The following CCDC7 variants were observed in gnomAD, a reference collection of about 807,000 sequenced individuals.
CCDC7 encodes coiled-coil domain containing 7.
In CCDC7, 183 loss-of-function variants were observed where a neutral mutation model predicts 196.9. The ratio of observed to expected loss-of-function variants is 0.93; its 90% CI spans 0.82 to 1.05. CCDC7 has a LOEUF of 1.05. CCDC7 is among the 50% of genes least tolerant of loss of function. The pLI is 0.00. For synonymous variants in CCDC7, 525 were observed against 484.6 expected (o/e 1.08, Z -1.10); for missense variants, 1,540 against 1,482.2 (o/e 1.04, Z -0.64).
At chr10:32,535,948 A>C (rs1033756350) in intron 11 of CCDC7, among the ~76,000 whole-genome samples, 12 of 152,156 alleles carry the variant, frequency 7.9e-5, no homozygotes, top group African/African-American at 1.2e-4. Flanking sequence ...GATAGTAAGC[A>C]ATGTTATATA....
At chr10:32,865,320 A>G (rs1473936391) in intron 41 of CCDC7, among the ~76,000 whole-genome samples, 2 of 151,780 alleles carry the variant, frequency 1.3e-5, no homozygotes, top group East Asian at 3.9e-4. Flanking sequence ...GGACACACAA[A>G]TGATGAAAAT....
chr10:32,590,468 T>C (rs2059680248), intron 18 of CCDC7, among the ~76,000 whole-genome samples: 1 of 152,172 alleles, frequency 6.6e-6, no homozygotes, highest in South Asian at 2.1e-4. Context: ...TGTAGTTCTA[T>C]TTATTTTTAA....
chr10:32,819,356 A>G (rs1195350212), intron 31 of CCDC7, among the ~76,000 whole-genome samples: 14 of 152,198 alleles, frequency 9.2e-5, no homozygotes, highest in African/African-American at 3.4e-4. Context: ...CCAGGACCAG[A>G]TGGATTCATA....
chr10:32,739,866 C>A (rs542524853), intron 28 of CCDC7, among the ~76,000 whole-genome samples: 5 of 151,738 alleles, frequency 3.3e-5, no homozygotes, highest in Non-Finnish European at 1.5e-5. Context: ...TTGCCCCCCC[C>A]CACCAAACTG....
chr10:32,483,323 G>A (rs1006238036), intron 8 of CCDC7, among the ~76,000 whole-genome samples: 13 of 152,112 alleles, frequency 8.5e-5, no homozygotes, highest in African/African-American at 2.9e-4. Context: ...GTTCATACCT[G>A]TTGCACACTT....
At chr10:32,740,443 A>T (rs2085636083) in intron 28 of CCDC7, among the ~76,000 whole-genome samples, 1 of 152,182 alleles carries the variant, frequency 6.6e-6, no homozygotes, top group Non-Finnish European at 1.5e-5. Flanking sequence ...CCAACCAAAT[A>T]TAGATTAAAA....
upstream of CCDC7, among the ~76,000 whole-genome samples, chr10:32,444,782 T>C (rs2030584840): frequency 2.0e-5 from 3 of 152,100 alleles, no homozygotes; most frequent in South Asian, 6.2e-4. Context: ...CATTTATATG[T>C]ACATTTTCTT....
chr10:32,854,616 G>A, intron 41 of CCDC7, 127 bp downstream of exon 42: 1 of 591,272 alleles, frequency 1.7e-6, no homozygotes, highest in East Asian at 3.2e-5. Flanking sequence ...GGTGAGGCAT[G>A]GTTTCCCAAA....
At chr10:32,747,997 T>G (rs1414514765) in intron 28 of CCDC7, among the ~76,000 whole-genome samples, 1 of 152,026 alleles carries the variant, frequency 6.6e-6, no homozygotes. Flanking sequence ...ATAAAGAAAA[T>G]GTGGTACATA....
At chr10:32,684,333 G>A (rs1448000909) in intron 21 of CCDC7, among the ~76,000 whole-genome samples, 1 of 152,166 alleles carries the variant, frequency 6.6e-6, no homozygotes, top group African/African-American at 2.4e-5. Context: ...GCGGCTCTGC[G>A]GAGACTCCAT....
intron 37 of CCDC7, among the ~76,000 whole-genome samples, 193 bp from the exon 39 acceptor site, chr10:32,847,640 A>G (rs1264890277): frequency 6.8e-6 from 1 of 147,944 alleles, no homozygotes; most frequent in Non-Finnish European, 1.5e-5. Context: ...ACTTGAGCCC[A>G]GGAGGTTGAA....
At chr10:32,713,125 T>A (rs2081077811) in intron 25 of CCDC7, among the ~76,000 whole-genome samples, 1 of 152,210 alleles carries the variant, frequency 6.6e-6, no homozygotes. Flanking sequence ...AGAAAATGTA[T>A]TTAACTAGTA....
At chr10:32,706,456 A>C (rs776801719) in intron 24 of CCDC7, among the ~76,000 whole-genome samples, 7 of 152,158 alleles carry the variant, frequency 4.6e-5, no homozygotes, top group Non-Finnish European at 8.8e-5. Flanking sequence ...AGAAACCAGG[A>C]AATAACTAAG....
intron 13 of CCDC7, among the ~76,000 whole-genome samples, chr10:32,565,162 A>T (rs1220248243): frequency 6.6e-6 from 1 of 152,178 alleles, no homozygotes; most frequent in Non-Finnish European, 1.5e-5. Context: ...CTTTAATTTG[A>T]TGGAGAATTC....
intron 20 of CCDC7, among the ~76,000 whole-genome samples, chr10:32,645,234 T>C (rs2067549268): frequency 6.6e-6 from 1 of 152,200 alleles, no homozygotes; most frequent in South Asian, 2.1e-4. Context: ...AGGGAACTCA[T>C]ACACTGTTTG....
At chr10:32,513,642 A>G (rs1008509607) in intron 9 of CCDC7, 4 of 152,184 alleles carry the variant, frequency 2.6e-5, no homozygotes, top group African/African-American at 9.7e-5. Flanking sequence ...TATAAAAAAG[A>G]TTATCTATGA....
chr10:32,583,540 G>A (rs1415463113), intron 17 of CCDC7, among the ~76,000 whole-genome samples: 2 of 151,452 alleles, frequency 1.3e-5, no homozygotes, highest in Non-Finnish European at 2.9e-5. Context: ...AAAAGTTGTG[G>A]GTTACATTTT....
At chr10:32,773,520 A>C (rs1177380327) in intron 28 of CCDC7, among the ~76,000 whole-genome samples, 1 of 151,968 alleles carries the variant, frequency 6.6e-6, no homozygotes, top group African/African-American at 2.4e-5. Context: ...CTTTGGTCTT[A>C]AAAAATTGTT....
At chr10:32,464,437 A>G (rs1486465064) in intron 5 of CCDC7, among the ~76,000 whole-genome samples, 1 of 152,094 alleles carries the variant, frequency 6.6e-6, no homozygotes, top group Non-Finnish European at 1.5e-5. Context: ...TCTTATACAT[A>G]TGACTAATTA....
Sources: gnomAD v4.1 joint callset for allele counts (sites outside exome capture counted in the v4.1 genomes callset) on GRCh38, gnomAD v4.1.1 for gene constraint, MANE v1.5 for transcripts, NCBI Gene and HGNC (gene_info 2026-07-23, HGNC 2026-07-21) for gene names.